SGCZ: variants seen among roughly 807,000 people sequenced by gnomAD.
SGCZ encodes zeta-sarcoglycan.
In SGCZ, 40 loss-of-function variants were observed where a neutral mutation model predicts 41.3. That is an observed-to-expected ratio of 0.97 (90% confidence interval 0.75 to 1.26). SGCZ has a LOEUF of 1.26. SGCZ is among the 50% of genes most tolerant of loss of function. SGCZ has a pLI of 0.00. For missense variants in SGCZ, 552 were observed against 369.8 expected (o/e 1.49, Z -4.04); for synonymous variants, 206 against 137.5 (o/e 1.50, Z -3.49).
intron 1 of SGCZ, among the ~76,000 whole-genome samples, chr8:15,042,655 C>T (rs1014912726): frequency 3.9e-5 from 6 of 152,178 alleles, no homozygotes; most frequent in African/African-American, 1.4e-4. Context: ...ACTATACATT[C>T]TGCCATCTAA....
At chr8:14,810,659 G>C (rs981870304) in intron 1 of SGCZ, among the ~76,000 whole-genome samples, 44 of 152,016 alleles carry the variant, frequency 2.9e-4, no homozygotes, top group Non-Finnish European at 3.4e-4. Context: ...CAATCAGCAA[G>C]AGAGAGCTAA....
intron 4 of SGCZ, among the ~76,000 whole-genome samples, chr8:14,171,152 A>T (rs1451239172): frequency 3.8e-5 from 1 of 25,996 alleles, no homozygotes. Flanking sequence ...GTTTCATTAA[A>T]AAAAAAAAAA....
chr8:14,206,792 C>G (rs1805630202), intron 4 of SGCZ, among the ~76,000 whole-genome samples: 1 of 152,122 alleles, frequency 6.6e-6, no homozygotes, highest in Non-Finnish European at 1.5e-5. Flanking sequence ...ATAAATAAGG[C>G]AATCTCTCTA....
chr8:14,426,732 G>C (rs73517416), intron 2 of SGCZ, among the ~76,000 whole-genome samples: 2,719 of 152,138 alleles, frequency 0.018, 75 homozygotes, highest in African/African-American at 0.061. Context: ...TCTCACAGCA[G>C]GCAACTGGAA....
Position 14,609,170 on chromosome 8 carries a change from C to G in SGCZ, c.40-54244G>C, listed in dbSNP as rs187317670. ...GGTTGTCTTTAGCTAAACATAGATT[C>G]CCTTTGAGATTGTAATAACATAACA... On this transcript the variant is annotated intron_variant, in intron 1 of 7. Coordinates refer to ENST00000382080, the MANE Select transcript of SGCZ (RefSeq NM_139167.4). Among the ~76,000 whole-genome samples the G allele has an allele frequency of 5.1e-3, 781 of 152,124 alleles. 5 individuals are homozygous for G. Among genetic ancestry groups the G allele is most frequent in the Middle Eastern group, 0.027 (8 of 292 alleles).
intron 1 of SGCZ, among the ~76,000 whole-genome samples, chr8:15,150,775 G>C (rs899841174): frequency 4.6e-5 from 7 of 152,276 alleles, no homozygotes; most frequent in African/African-American, 1.7e-4. Context: ...ACACGTATTT[G>C]TTTCCATAAA....
At chr8:14,491,167 CA>C (rs1801830912) in intron 2 of SGCZ, among the ~76,000 whole-genome samples, 5 of 152,080 alleles carry the variant, frequency 3.3e-5, no homozygotes, top group Admixed American at 3.3e-4. Context: ...TCTTATGAAG[CA>C]GGTATGTAGG....
At position 14,809,540 on chromosome 8, in the gene SGCZ, A is replaced by C. The variant is rs890914236; in HGVS notation, c.40-254614T>G. On this transcript the variant is annotated intron_variant, in intron 1 of 7. Coordinates refer to ENST00000382080, the MANE Select transcript of SGCZ (RefSeq NM_139167.4). ...TACCAATTCTCCATTTTATTTCCTT[A>C]ATGAAGTTTTGACAATATTTCAATG... Among the ~76,000 whole-genome samples, 6 of 152,292 alleles carry C rather than the reference A, an allele frequency of 3.9e-5. No individual in the cohort carries two copies. In the East Asian group the frequency reaches 5.8e-4, roughly 15 times the overall value.
intron 1 of SGCZ, among the ~76,000 whole-genome samples, chr8:14,584,094 T>C (rs1305746695): frequency 1.3e-5 from 2 of 152,114 alleles, no homozygotes; most frequent in East Asian, 3.9e-4. Context: ...ATATTAAACG[T>C]TAATATAAAT....
At chr8:14,307,788 AAAGC>A in intron 3 of SGCZ, among the ~76,000 whole-genome samples, 1 of 152,274 alleles carries the variant, frequency 6.6e-6, no homozygotes, top group Admixed American at 6.5e-5. Flanking sequence ...TCTCATCGTG[AAAGC>A]AAGGGCAAGA....
At chr8:15,075,510 T>G (rs567862335) in intron 1 of SGCZ, among the ~76,000 whole-genome samples, 5 of 152,256 alleles carry the variant, frequency 3.3e-5, no homozygotes, top group Non-Finnish European at 7.4e-5. Context: ...GGTTCCAGCC[T>G]AACACCCTCA....
At chr8:14,496,317 A>T (rs1048460316) in intron 2 of SGCZ, among the ~76,000 whole-genome samples, 1 of 152,054 alleles carries the variant, frequency 6.6e-6, no homozygotes, top group Non-Finnish European at 1.5e-5. Flanking sequence ...ATTCTTTCTG[A>T]GTTGGCCCCA....
intron 1 of SGCZ, among the ~76,000 whole-genome samples, chr8:14,709,861 C>T (rs1217458069): frequency 1.1e-4 from 17 of 152,106 alleles, no homozygotes; most frequent in Non-Finnish European, 1.9e-4. Context: ...TTGCAATCTA[C>T]ACTACTTTTA....
chr8:14,280,221 T>C (rs904632416), intron 3 of SGCZ, among the ~76,000 whole-genome samples: 3 of 151,916 alleles, frequency 2.0e-5, no homozygotes, highest in Admixed American at 6.6e-5. Context: ...TTTGAATCCG[T>C]ATATATATAA....
At chr8:15,063,423 A>G (rs1485471896) in intron 1 of SGCZ, among the ~76,000 whole-genome samples, 1 of 152,204 alleles carries the variant, frequency 6.6e-6, no homozygotes, top group African/African-American at 2.4e-5. Context: ...TATATTACAA[A>G]GAAAACAACA....
intron 1 of SGCZ, among the ~76,000 whole-genome samples, chr8:14,924,286 A>G (rs1799677983): frequency 6.6e-6 from 1 of 152,208 alleles, no homozygotes; most frequent in African/African-American, 2.4e-5. Context: ...TATAGAAATG[A>G]AGTTTTTCAC....
At chr8:14,717,015 G>C (rs1024762857) in intron 1 of SGCZ, among the ~76,000 whole-genome samples, 8 of 152,016 alleles carry the variant, frequency 5.3e-5, no homozygotes, top group African/African-American at 1.2e-4. Context: ...AAGGTATGTA[G>C]TAAAATCCAC....
At chr8:14,211,903 A>C (rs34972118) in intron 4 of SGCZ, among the ~76,000 whole-genome samples, 1 of 151,938 alleles carries the variant, frequency 6.6e-6, no homozygotes, top group Non-Finnish European at 1.5e-5. Context: ...GTGGTACCAC[A>C]ACTTCTCTGC....
Position 14,199,642 on chromosome 8 carries a change from A to C in SGCZ, c.425-34940T>G, listed in dbSNP as rs564287741. Among the ~76,000 whole-genome samples, 3 of 152,236 alleles carry C rather than the reference A, an allele frequency of 2.0e-5. No individual in the cohort carries two copies. In the South Asian group the frequency reaches 6.2e-4, roughly 32 times the overall value. On this transcript the variant is annotated intron_variant, in intron 4 of 7. Coordinates refer to ENST00000382080, the MANE Select transcript of SGCZ (RefSeq NM_139167.4). ...ATGTCTCCCCCGGACACGCAGCTTTAAAATTTCACTCTTTTGTACTCTGTC... is the reference window on the plus strand; with the variant it reads ...ATGTCTCCCCCGGACACGCAGCTTTCAAATTTCACTCTTTTGTACTCTGTC...
Sources: gnomAD v4.1 joint callset for allele counts (sites outside exome capture counted in the v4.1 genomes callset) on GRCh38, gnomAD v4.1.1 for gene constraint, MANE v1.5 for transcripts, NCBI Gene and HGNC (gene_info 2026-07-23, HGNC 2026-07-21) for gene names.